Variants in BTBD9 observed in about 807,000 individuals in gnomAD.
BTBD9 encodes the protein BTB/POZ domain-containing protein 9.
A neutral mutation model predicts 64.3 loss-of-function variants in BTBD9; 49 were observed. The ratio of observed to expected loss-of-function variants is 0.76; its 90% CI spans 0.61 to 0.97. The LOEUF is 0.97. Among genes scored for constraint, BTBD9 ranks in the 50% least tolerant of loss-of-function variants. BTBD9 has a pLI of 0.00. For missense variants in BTBD9, 598 were observed against 762.1 expected (o/e 0.78, Z 2.53); for synonymous variants, 260 against 274.7 (o/e 0.95, Z 0.53).
Position 38,184,566 on chromosome 6 carries a change from C to T in BTBD9, c.1641+7953G>A, listed in dbSNP as rs189564324. On this transcript the variant is annotated intron_variant, in intron 10 of 10. Transcript: ENST00000481247. This position sits in a 1 kb window ranked among gnomAD's most constrained non-coding sequence, Gnocchi z 4.4. ...TCCATTTGCTCTCTCTGTGCTCTGC[C>T]ACAGAGCACAGAGAGCGCCCACTGG... Among the ~76,000 whole-genome samples the T allele has an allele frequency of 3.4e-4, 52 of 152,106 alleles. 1 individual carries two copies. Among genetic ancestry groups the T allele is most frequent in the African/African-American group, 9.2e-4 (38 of 41,488 alleles).
chr6:38,421,813 C>T (rs1767914684), intron 6 of BTBD9, among the ~76,000 whole-genome samples: 1 of 152,040 alleles, frequency 6.6e-6, no homozygotes, highest in African/African-American at 2.4e-5. Context: ...GTACAGGGTA[C>T]ATCAGTAATG....
chr6:38,398,976 T>C (rs1164520897), intron 6 of BTBD9, among the ~76,000 whole-genome samples: 1 of 152,184 alleles, frequency 6.6e-6, no homozygotes, highest in African/African-American at 2.4e-5. Context: ...CATTTGTTTT[T>C]AGTAGGAAAA....
At chr6:38,452,439 A>G (rs777331550) in intron 6 of BTBD9, among the ~76,000 whole-genome samples, 1 of 152,134 alleles carries the variant, frequency 6.6e-6, no homozygotes, top group Non-Finnish European at 1.5e-5. Context: ...GTGTTTTAGT[A>G]AGATAAATCT....
At chr6:38,418,054 G>A (rs989779614) in intron 6 of BTBD9, among the ~76,000 whole-genome samples, 1 of 123,004 alleles carries the variant, frequency 8.1e-6, no homozygotes, top group African/African-American at 3.0e-5. Flanking sequence ...TCCTATAATT[G>A]AAGAATGCTT....
intron 10 of BTBD9, among the ~76,000 whole-genome samples, chr6:38,188,491 C>T (rs183770870): frequency 5.0e-4 from 76 of 152,360 alleles, no homozygotes; most frequent in Admixed American, 9.1e-4. Context: ...CGTGTGTTCA[C>T]GCAGATTTCC....
At chr6:38,390,708 C>CTGATACATGGCTCCACTCTCATT (rs1273476878) in intron 6 of BTBD9, among the ~76,000 whole-genome samples, 2 of 152,236 alleles carry the variant, frequency 1.3e-5, no homozygotes, top group Admixed American at 1.3e-4. Flanking sequence ...ACTGCTTAAA[C>CTGATACATGGCTCCACTCTCATT]TGATACATGG....
chr6:38,442,490 A>G (rs1769080636), intron 6 of BTBD9, among the ~76,000 whole-genome samples: 1 of 151,842 alleles, frequency 6.6e-6, no homozygotes, highest in African/African-American at 2.4e-5. Flanking sequence ...CGTACTATAT[A>G]TATATTTAAA....
At chr6:38,439,726 C>T (rs563195279) in intron 6 of BTBD9, among the ~76,000 whole-genome samples, 21 of 152,268 alleles carry the variant, frequency 1.4e-4, no homozygotes, top group African/African-American at 4.6e-4. Context: ...CACACCTGGC[C>T]GCAACTGTGA....
chr6:38,224,211 T>G (rs538620643), intron 9 of BTBD9, among the ~76,000 whole-genome samples: 2 of 151,708 alleles, frequency 1.3e-5, no homozygotes, highest in Non-Finnish European at 2.9e-5. Context: ...AGACTCTGTC[T>G]CAAAAGAAAA....
intron 9 of BTBD9, among the ~76,000 whole-genome samples, chr6:38,244,477 C>CT (rs928380007): frequency 3.7e-4 from 54 of 147,346 alleles, no homozygotes; most frequent in Admixed American, 1.2e-3. Flanking sequence ...TAAGTTTGGG[C>CT]TTTTTTTTTT....
At chr6:38,251,093 A>AAAT (rs554465479) in intron 9 of BTBD9, among the ~76,000 whole-genome samples, 24 of 149,154 alleles carry the variant, frequency 1.6e-4, no homozygotes, top group South Asian at 4.3e-4. Context: ...GAAAAAAAAA[A>AAAT]AATAATAATA....
At chr6:38,477,880 G>A (rs920280730) in intron 6 of BTBD9, among the ~76,000 whole-genome samples, 1 of 152,192 alleles carries the variant, frequency 6.6e-6, no homozygotes, top group African/African-American at 2.4e-5. Context: ...TCTGTGGTGA[G>A]GCAGCATGGT....
At chr6:38,261,784 A>G (rs1764803003) in intron 8 of BTBD9, among the ~76,000 whole-genome samples, 1 of 152,158 alleles carries the variant, frequency 6.6e-6, no homozygotes, top group Non-Finnish European at 1.5e-5. Flanking sequence ...TCCTCTATTA[A>G]GAGTCCCCAG....
chr6:38,283,961 A>G (rs563396628), intron 8 of BTBD9, among the ~76,000 whole-genome samples: 1 of 152,330 alleles, frequency 6.6e-6, no homozygotes, highest in Non-Finnish European at 1.5e-5. Flanking sequence ...TTTCCTGTCA[A>G]TAAATGTCTA....
At chr6:38,227,976 A>T (rs1763457575) in intron 9 of BTBD9, among the ~76,000 whole-genome samples, 1 of 152,206 alleles carries the variant, frequency 6.6e-6, no homozygotes, top group Non-Finnish European at 1.5e-5. Flanking sequence ...GTTGGGGAGT[A>T]GGGATGAGTA....
At chr6:38,336,500 G>A (rs2127585141) in intron 7 of BTBD9, among the ~76,000 whole-genome samples, 1 of 152,258 alleles carries the variant, frequency 6.6e-6, no homozygotes, top group South Asian at 2.1e-4. Context: ...AAAAAAGGGG[G>A]AAGTCCCCTT....
intron 8 of BTBD9, among the ~76,000 whole-genome samples, chr6:38,268,817 C>T (rs1033540963): frequency 2.6e-5 from 4 of 152,218 alleles, no homozygotes; most frequent in African/African-American, 9.6e-5. Context: ...TTACTACCAG[C>T]GTGAGCTGCG....
chr6:38,449,547 G>A (rs1204658615), intron 6 of BTBD9, among the ~76,000 whole-genome samples: 1 of 151,884 alleles, frequency 6.6e-6, no homozygotes, highest in African/African-American at 2.4e-5. Context: ...AAAAAATGAT[G>A]CTGAGAAAAC....
At chr6:38,424,526 A>T (rs939329432) in intron 6 of BTBD9, among the ~76,000 whole-genome samples, 3 of 151,872 alleles carry the variant, frequency 2.0e-5, no homozygotes, top group African/African-American at 7.3e-5. Flanking sequence ...TAAATTTTTT[A>T]TTCTTTTTGA....
Sources: gnomAD v4.1 joint callset for allele counts (sites outside exome capture counted in the v4.1 genomes callset) on GRCh38, gnomAD v4.1.1 for gene constraint, Gnocchi (gnomAD v3.1) non-coding constraint, MANE v1.5 for transcripts, NCBI Gene and HGNC (gene_info 2026-07-23, HGNC 2026-07-21) for gene names.